The following OPCML variants were observed in gnomAD, a reference collection of about 807,000 sequenced individuals.
The protein encoded by OPCML is opioid-binding protein/cell adhesion molecule.
OPCML carries 13 observed loss-of-function variants against 37.8 expected under a neutral mutation model. The ratio of observed to expected loss-of-function variants is 0.34; its 90% CI spans 0.22 to 0.55. The LOEUF (loss-of-function observed/expected upper bound fraction) is 0.55. Ranked by LOEUF, OPCML falls within the 20% of genes least tolerant of loss-of-function variation. The pLI is 0.91. For missense variants in OPCML, 341 were observed against 435.6 expected, an observed-to-expected ratio of 0.78 and a Z score of 1.93; for synonymous variants, 176 against 168.8, an observed-to-expected ratio of 1.04 and a Z score of -0.33.
chr11:133,292,292 G>A (rs551958803), intron 1 of OPCML, among the ~76,000 whole-genome samples: 4 of 152,168 alleles, frequency 2.6e-5, no homozygotes, highest in East Asian at 3.9e-4. Context: ...AGCTCATTGC[G>A]ATAGAGATGC....
At chr11:132,563,543 C>T (rs2096415340) in intron 3 of OPCML, among the ~76,000 whole-genome samples, 1 of 150,068 alleles carries the variant, frequency 6.7e-6, no homozygotes, top group African/African-American at 2.5e-5. Flanking sequence ...GGTTGCCCAA[C>T]ACTGGGAATG....
chr11:133,141,041 ACGAC>A lies in OPCML; in HGVS notation c.62-198035_62-198032del, dbSNP rs1565469152. On this transcript the variant is annotated intron_variant, in intron 1 of 7. Coordinates refer to ENST00000524381, the MANE Select transcript of OPCML (RefSeq NM_001012393.5). Reference sequence around the variant, plus strand: ...GACGACGACGACGACGACGACGACGACGACGACGAAGAAGAAGAAGAAGAAGAAG... The same window carrying A: ...GACGACGACGACGACGACGACGACGAGACGAAGAAGAAGAAGAAGAAGAAG... Among the ~76,000 whole-genome samples, 5 of 33,768 alleles carry A rather than the reference ACGAC, an allele frequency of 1.5e-4. 1 individual carries two copies. Among genetic ancestry groups the A allele is most frequent in the Non-Finnish European group, 1.9e-4 (2 of 10,588 alleles). The allele number at this position is 33,768 out of a possible 152,430, so 22.2% of individuals were successfully genotyped here. A position where few individuals can be genotyped will look rare whatever the true frequency, so the allele number is the denominator to read the frequency against.
intron 4 of OPCML, among the ~76,000 whole-genome samples, chr11:132,502,460 A>G (rs2096247635): frequency 6.6e-6 from 1 of 152,156 alleles, no homozygotes; most frequent in African/African-American, 2.4e-5. Context: ...CCAGTTACAC[A>G]TCACATCTCC....
At chr11:133,083,642 T>C (rs1948775479) in intron 1 of OPCML, among the ~76,000 whole-genome samples, 1 of 152,250 alleles carries the variant, frequency 6.6e-6, no homozygotes, top group Non-Finnish European at 1.5e-5. Flanking sequence ...CCATTCATAC[T>C]GGAACAGTTA....
chr11:132,621,044 G>C (rs1330551515), intron 3 of OPCML, among the ~76,000 whole-genome samples: 1 of 152,236 alleles, frequency 6.6e-6, no homozygotes, highest in Non-Finnish European at 1.5e-5. Context: ...GACCCATGTA[G>C]GACACGTGTG....
intron 1 of OPCML, among the ~76,000 whole-genome samples, chr11:133,324,823 T>C (rs1943411265): frequency 6.6e-6 from 1 of 152,166 alleles, no homozygotes; most frequent in Admixed American, 6.5e-5. Flanking sequence ...TATATATTCA[T>C]ATGTGTGTGT....
At chr11:132,711,949 A>G (rs1336621274) in intron 2 of OPCML, among the ~76,000 whole-genome samples, 4 of 152,162 alleles carry the variant, frequency 2.6e-5, no homozygotes, top group Non-Finnish European at 4.4e-5. Context: ...TAGAAACAAC[A>G]GTTTGCCTCA....
At chr11:132,665,228 G>A (rs1025242725) in intron 2 of OPCML, among the ~76,000 whole-genome samples, 1 of 152,166 alleles carries the variant, frequency 6.6e-6, no homozygotes, top group African/African-American at 2.4e-5. Context: ...AGGCTTTCCT[G>A]AAAACAGCAT....
chr11:133,079,757 G>T (rs572577566), intron 1 of OPCML, among the ~76,000 whole-genome samples: 12 of 151,884 alleles, frequency 7.9e-5, no homozygotes, highest in Non-Finnish European at 1.8e-4. Context: ...CCTGCCTGTT[G>T]TAAGGTGAGA....
At chr11:133,038,472 T>A (rs1947825099) in intron 1 of OPCML, among the ~76,000 whole-genome samples, 1 of 152,236 alleles carries the variant, frequency 6.6e-6, no homozygotes, top group Non-Finnish European at 1.5e-5. Flanking sequence ...TAATTAATAT[T>A]GATTGACAAT....
chr11:133,376,798 T>C (rs1192610802), intron 1 of OPCML, among the ~76,000 whole-genome samples: 1 of 152,222 alleles, frequency 6.6e-6, no homozygotes, highest in East Asian at 1.9e-4. Flanking sequence ...AACTAGCTTA[T>C]GCAAAATAGC....
chr11:132,938,484 A>G (rs1945468721), intron 2 of OPCML, among the ~76,000 whole-genome samples: 1 of 152,218 alleles, frequency 6.6e-6, no homozygotes, highest in Non-Finnish European at 1.5e-5. Context: ...AAAATGTGTG[A>G]GTATTGTCAG....
chr11:132,529,035 A>C (rs777262285), intron 4 of OPCML, 26 bp downstream of exon 4: 1 of 1,490,272 alleles, frequency 6.7e-7, no homozygotes, highest in East Asian at 2.3e-5. Flanking sequence ...CTACCTCTGA[A>C]AACGTCCTCC....
chr11:132,745,563 CAAAAAAA>C (rs10562857), intron 2 of OPCML, among the ~76,000 whole-genome samples: 14 of 102,994 alleles, frequency 1.4e-4, no homozygotes, highest in South Asian at 8.3e-4. Flanking sequence ...TGCTGTCTTG[CAAAAAAA>C]AAAAAAAAAA....
At chr11:132,484,720 A>G (rs1291103604) in intron 4 of OPCML, among the ~76,000 whole-genome samples, 4 of 152,174 alleles carry the variant, frequency 2.6e-5, no homozygotes, top group Non-Finnish European at 4.4e-5. Flanking sequence ...CATATACACC[A>G]TGGAATACTA....
chr11:133,084,614 G>A (rs774580730), intron 1 of OPCML, among the ~76,000 whole-genome samples: 7 of 152,294 alleles, frequency 4.6e-5, no homozygotes, highest in Admixed American at 1.3e-4. Flanking sequence ...ACTGGGAGGC[G>A]TATTGGGGCG....
intron 7 of OPCML, among the ~76,000 whole-genome samples, chr11:132,428,457 G>T (rs1488884364): frequency 6.6e-6 from 1 of 152,166 alleles, no homozygotes. Context: ...AAGCATAGGG[G>T]TAATCTACCA....
At chr11:133,436,135 A>C (rs1946228228) in intron 1 of OPCML, among the ~76,000 whole-genome samples, 1 of 151,884 alleles carries the variant, frequency 6.6e-6, no homozygotes, top group Non-Finnish European at 1.5e-5. Context: ...GTTCATTCTC[A>C]AATTTAAAAA....
At chr11:133,181,786 C>T (rs1937845155) in intron 1 of OPCML, among the ~76,000 whole-genome samples, 1 of 152,204 alleles carries the variant, frequency 6.6e-6, no homozygotes, top group Non-Finnish European at 1.5e-5. Context: ...ACTCCCTTTA[C>T]TGGCCACTCT....
Sources: gnomAD v4.1 joint callset for allele counts (sites outside exome capture counted in the v4.1 genomes callset) on GRCh38, gnomAD v4.1.1 for gene constraint, MANE v1.5 for transcripts, NCBI Gene and HGNC (gene_info 2026-07-23, HGNC 2026-07-21) for gene names.